MACROD1: variants seen among roughly 807,000 people sequenced by gnomAD.
MACROD1 encodes mono-ADP ribosylhydrolase 1, also known as ADP-ribose glycohydrolase MACROD1.
A neutral mutation model predicts 41.4 loss-of-function variants in MACROD1; 31 were observed. That is an observed-to-expected ratio of 0.75 (90% CI 0.56 to 1.01). The LOEUF (loss-of-function observed/expected upper bound fraction) is 1.01, where lower values mean the gene tolerates loss of function less well. MACROD1 is among the 50% of genes least tolerant of loss of function. MACROD1 has a pLI of 0.00. For synonymous variants in MACROD1, 252 were observed against 203.4 expected, an observed-to-expected ratio of 1.24 and a Z score of -2.03; for missense variants, 473 against 460.0, an observed-to-expected ratio of 1.03 and a Z score of -0.26.
Position 64,117,971 on chromosome 11 carries a change from G to A in MACROD1, c.517+33268C>T, listed in dbSNP as rs554837203. The stretch of plus-strand genomic sequence containing the variant: ...CAGTGGCTCTGGTCTTCCTCTTCCT[G>A]GTCCTGGGGGCCATCTGCTGGTACG... On this transcript the variant is annotated intron_variant, in intron 3 of 10. Coordinates refer to ENST00000255681, the MANE Select transcript of MACROD1 (RefSeq NM_014067.4). The A allele has an allele frequency of 2.5e-6, 4 of 1,613,770 alleles. No individual in the cohort carries two copies. In the South Asian group the frequency reaches 4.4e-5, roughly 18 times the overall value.
intron 3 of MACROD1, among the ~76,000 whole-genome samples, chr11:64,024,185 C>T (rs1418276060): frequency 3.3e-5 from 5 of 152,252 alleles, no homozygotes; most frequent in African/African-American, 7.2e-5. Flanking sequence ...GTCAGCTGCT[C>T]GCTCATGGCG....
chr11:63,998,600 C>T lies in MACROD1; in HGVS notation c.*118G>A, dbSNP rs1264596012. On this transcript the variant is annotated 3_prime_UTR_variant, in exon 11 of 11. Transcript: ENST00000255681. The stretch of plus-strand genomic sequence containing the variant: ...TATTAGGCTCCTCGGGGGCGGGGCG[C>T]GGAGGGAAAGAAGGGGTGGCCAGGC... 22 of 1,273,996 alleles carry T rather than the reference C, an allele frequency of 1.7e-5. No individual in the cohort carries two copies. Among genetic ancestry groups the T allele is most frequent in the South Asian group, 8.7e-5 (3 of 34,660 alleles). The allele number at this position is 1,273,996 out of a possible 1,614,324, so 78.9% of individuals were successfully genotyped here. A position where few individuals can be genotyped will look rare whatever the true frequency, so the allele number is the denominator to read the frequency against.
chr11:64,045,081 AG>A, intron 3 of MACROD1, among the ~76,000 whole-genome samples: 1 of 152,300 alleles, frequency 6.6e-6, no homozygotes, highest in Non-Finnish European at 1.5e-5. Context: ...GTGCGGGCTG[AG>A]GGGGAGCAGT....
intron 3 of MACROD1, among the ~76,000 whole-genome samples, chr11:64,078,614 G>A (rs1944247098): frequency 6.6e-6 from 1 of 152,166 alleles, no homozygotes; most frequent in African/African-American, 2.4e-5. Context: ...AGGATTGCCT[G>A]GCCCTCTCCT....
At chr11:64,117,917 C>G in intron 3 of MACROD1, 1 of 1,613,852 alleles carries the variant, frequency 6.2e-7, no homozygotes, top group Non-Finnish European at 8.5e-7. Context: ...CCATGGCGAG[C>G]CTGCCCCTGG....
At chr11:64,059,499 A>G (rs1026634486) in intron 3 of MACROD1, among the ~76,000 whole-genome samples, 4 of 152,066 alleles carry the variant, frequency 2.6e-5, no homozygotes, top group African/African-American at 9.7e-5. Flanking sequence ...CCACAGGCTG[A>G]CCCTGGGTAC....
At chr11:64,033,925 C>A (rs372515904) in intron 3 of MACROD1, among the ~76,000 whole-genome samples, 7 of 152,222 alleles carry the variant, frequency 4.6e-5, no homozygotes, top group African/African-American at 1.7e-4. Context: ...CCACAGCCCC[C>A]CAAAGCTCTG....
At chr11:64,129,314 T>C (rs2134653032) in intron 3 of MACROD1, among the ~76,000 whole-genome samples, 2 of 152,342 alleles carry the variant, frequency 1.3e-5, no homozygotes, top group Admixed American at 1.3e-4. Flanking sequence ...AGTTTCCACC[T>C]CCATGCGTAC....
chr11:64,127,987 C>G (rs1945211282), intron 3 of MACROD1, among the ~76,000 whole-genome samples: 1 of 152,236 alleles, frequency 6.6e-6, no homozygotes, highest in Admixed American at 6.5e-5. Flanking sequence ...TGCCTGAGAT[C>G]TGATTTCATG....
At chr11:64,047,503 C>A (rs1943607205) in intron 3 of MACROD1, among the ~76,000 whole-genome samples, 1 of 152,158 alleles carries the variant, frequency 6.6e-6, no homozygotes, top group Non-Finnish European at 1.5e-5. Context: ...CCTGAGCCCT[C>A]CTCACCTGCC....
chr11:64,081,554 A>C (rs1255728425), intron 3 of MACROD1: 1 of 152,396 alleles, frequency 6.6e-6, no homozygotes, highest in Non-Finnish European at 1.5e-5. Context: ...CGCAAACCAC[A>C]CATATCATGG....
intron 3 of MACROD1, among the ~76,000 whole-genome samples, chr11:64,134,777 A>C (rs754406213): frequency 3.9e-5 from 6 of 152,282 alleles, no homozygotes; most frequent in South Asian, 4.1e-4. Context: ...TCACTTGTTT[A>C]CTGGCCATTT....
chr11:63,999,111 G>C (rs992495945), intron 8 of MACROD1, 75 bp from the exon 9 acceptor site: 1 of 1,444,864 alleles, frequency 6.9e-7, no homozygotes, highest in African/African-American at 1.4e-5. Flanking sequence ...CTGCCCTGGT[G>C]CAGGCTTTCA....
chr11:64,085,111 G>A (rs1436255952), intron 3 of MACROD1, among the ~76,000 whole-genome samples: 1 of 152,242 alleles, frequency 6.6e-6, no homozygotes, highest in Non-Finnish European at 1.5e-5. Flanking sequence ...TCAAGCCCAT[G>A]CAGTGGGGCA....
At chr11:64,040,590 C>T (rs1345275965) in intron 3 of MACROD1, among the ~76,000 whole-genome samples, 3 of 152,214 alleles carry the variant, frequency 2.0e-5, no homozygotes, top group African/African-American at 7.2e-5. Context: ...TCCCCTTTTC[C>T]CGAGAGCTGT....
At chr11:64,147,084 G>A (rs148146413) in intron 3 of MACROD1, among the ~76,000 whole-genome samples, 192 of 152,218 alleles carry the variant, frequency 1.3e-3, no homozygotes, top group African/African-American at 4.3e-3. Flanking sequence ...TTTGTTTTTT[G>A]AGACAGCATC....
chr11:64,009,495 G>C (rs1219009742), intron 4 of MACROD1, among the ~76,000 whole-genome samples: 1 of 152,212 alleles, frequency 6.6e-6, no homozygotes, highest in Non-Finnish European at 1.5e-5. Flanking sequence ...TACCAAACTG[G>C]GTCTCCCTGA....
chr11:64,088,918 AG>A (rs1461630134), intron 3 of MACROD1, among the ~76,000 whole-genome samples: 1 of 152,086 alleles, frequency 6.6e-6, no homozygotes, highest in Non-Finnish European at 1.5e-5. Flanking sequence ...GGGCGGGGTT[AG>A]GAAACCAACA....
intron 3 of MACROD1, chr11:64,149,051 C>T: frequency 1.0e-6 from 1 of 984,908 alleles, no homozygotes; most frequent in Non-Finnish European, 1.2e-6. Flanking sequence ...CAAAAAGATC[C>T]CAGGAGAACA....
Sources: gnomAD v4.1 joint callset for allele counts (sites outside exome capture counted in the v4.1 genomes callset) on GRCh38, gnomAD v4.1.1 for gene constraint, MANE v1.5 for transcripts, NCBI Gene and HGNC (gene_info 2026-07-23, HGNC 2026-07-21) for gene names.